ZNF682: variants seen among roughly 807,000 people sequenced by gnomAD.
The protein encoded by ZNF682 is zinc finger protein 682.
In ZNF682, 29 loss-of-function variants were observed where a neutral mutation model predicts 36.5. The ratio of observed to expected loss-of-function variants is 0.80; its 90% CI spans 0.59 to 1.08. The LOEUF (loss-of-function observed/expected upper bound fraction) is 1.08, where lower values mean the gene tolerates loss of function less well. Among genes scored for constraint, ZNF682 ranks in the 50% least tolerant of loss-of-function variants. ZNF682 has a pLI of 0.00. For missense variants in ZNF682, 561 were observed against 579.7 expected (o/e 0.97, Z 0.33); for synonymous variants, 180 against 197.0 (o/e 0.91, Z 0.72).
chr19:20,017,350 G>A (rs2088343279), intron 3 of ZNF682, among the ~76,000 whole-genome samples: 1 of 152,174 alleles, frequency 6.6e-6, no homozygotes, highest in Non-Finnish European at 1.5e-5. Flanking sequence ...CAAACAGGCT[G>A]AAAGTGACAG....
Position 20,005,127 on chromosome 19 carries a change from T to C in ZNF682, c.*878A>G, listed in dbSNP as rs1374160305. The C allele has an allele frequency of 6.6e-6, 1 of 152,040 alleles. No homozygotes were observed. Among genetic ancestry groups the C allele is most frequent in the East Asian group, 1.9e-4 (1 of 5,188 alleles). 9.4% of individuals were successfully genotyped at this position (152,040 alleles called of 1,614,324 possible). ...AGAGTCTCTGTCGCCCAGGTTGGAG[T>C]TCAGTGGCGCGATCTCGGCTCACTG... On this transcript the variant is annotated 3_prime_UTR_variant, in exon 4 of 4. Transcript: ENST00000397165.
chr19:19,997,508 T>C (rs1466911967), intron 3 of ZNF682, among the ~76,000 whole-genome samples: 3 of 152,176 alleles, frequency 2.0e-5, no homozygotes, highest in Admixed American at 6.5e-5. Flanking sequence ...CAGAGGCATC[T>C]TGGGTAGATA....
intron 3 of ZNF682, among the ~76,000 whole-genome samples, chr19:20,018,295 GT>G (rs2088355499): frequency 6.6e-6 from 1 of 150,820 alleles, no homozygotes; most frequent in Non-Finnish European, 1.5e-5. Flanking sequence ...GGGTTTCACC[GT>G]TTTTAGCCGG....
Position 20,024,328 on chromosome 19 carries a change from A to T in ZNF682, c.52T>A (p.Trp18Arg), listed in dbSNP as rs1243593183. The change falls in exon 2 of 4, where the codon TGG becomes AGG. Residue 18 changes from tryptophan (W) to arginine (R), a missense_variant. Trp to Arg is a moderately radical substitution (Grantham distance 101, BLOSUM62 -3). Coordinates refer to ENST00000397165, the MANE Select transcript of ZNF682 (RefSeq NM_033196.3). ...TGCTGAGCAGGGTTCAGAAACTCCCACTCCTCCAGAGAGAATTCTATGGTC... is the reference window on the plus strand; with the variant it reads ...TGCTGAGCAGGGTTCAGAAACTCCCTCTCCTCCAGAGAGAATTCTATGGTC... The part of the protein sequence containing the change: ...DVTIEFSLEE[W>R]EFLNPAQQSL... 1 of 1,613,508 alleles carries T rather than the reference A, an allele frequency of 6.2e-7. No homozygotes were observed. The highest frequency in any genetic ancestry group is 8.5e-7 in the Non-Finnish European group (1 of 1,179,822).
At chr19:20,027,600 A>C (rs1318203449) in intron 1 of ZNF682, among the ~76,000 whole-genome samples, 1 of 152,140 alleles carries the variant, frequency 6.6e-6, no homozygotes, top group African/African-American at 2.4e-5. Flanking sequence ...TCTCTACTAA[A>C]AATACAAAAT....
intron 1 of ZNF682, among the ~76,000 whole-genome samples, chr19:20,037,938 G>C (rs1054594525): frequency 6.6e-6 from 1 of 152,204 alleles, no homozygotes. Context: ...CCACAGAGAG[G>C]CCACATTCCC....
At chr19:20,037,526 A>G (rs11085294) in intron 1 of ZNF682, among the ~76,000 whole-genome samples, 120,383 of 152,130 alleles carry the variant, frequency 0.79, 47,867 homozygotes, top group South Asian at 0.89. Flanking sequence ...AAGCGGCAAT[A>G]CTGATTGGAA....
intron 1 of ZNF682, among the ~76,000 whole-genome samples, chr19:20,035,011 TC>T (rs1477162508): frequency 2.0e-5 from 3 of 146,500 alleles, no homozygotes; most frequent in Non-Finnish European, 4.5e-5. Flanking sequence ...TATGAGAATA[TC>T]GCTTGAACCT....
rs1486735300 is a variant in ZNF682 at position 20,006,246 on chromosome 19, T to C, written c.1256A>G (p.His419Arg). ...SSILTEHKRI[H>R]TGEKPYNCEE... ...ACAGTTGTAGGGTTTCTCTCCAGTATGAATTCTCTTATGTTCAGTAAGGAT... is the reference window on the plus strand; with the variant it reads ...ACAGTTGTAGGGTTTCTCTCCAGTACGAATTCTCTTATGTTCAGTAAGGAT... The change falls in exon 4 of 4, where the codon CAT becomes CGT. Residue 419 changes from histidine to arginine, a missense_variant. Coordinates refer to ENST00000397165, the MANE Select transcript of ZNF682 (RefSeq NM_033196.3). 3.7e-6 allele frequency: 6 copies of C among 1,613,740 alleles called. No individual in the cohort carries two copies. The highest frequency in any genetic ancestry group is 4.2e-6 in the Non-Finnish European group (5 of 1,179,974).
At chr19:20,030,249 G>T (rs955253072) in intron 1 of ZNF682, among the ~76,000 whole-genome samples, 1 of 152,106 alleles carries the variant, frequency 6.6e-6, no homozygotes, top group African/African-American at 2.4e-5. Context: ...TAAATATTTA[G>T]TCTTCACAAG....
chr19:20,015,895 A>G, intron 3 of ZNF682: 1 of 397,556 alleles, frequency 2.5e-6, no homozygotes, highest in Non-Finnish European at 4.4e-6. Flanking sequence ...CAATATAAAT[A>G]TTGTAAAATA....
downstream of ZNF682, among the ~76,000 whole-genome samples, chr19:20,000,850 G>A (rs796195793): frequency 6.6e-6 from 1 of 152,188 alleles, no homozygotes; most frequent in Non-Finnish European, 1.5e-5. Context: ...ATGAGGAGCT[G>A]TTTGATGAGT....
chr19:19,998,227 G>T (rs2088139833), intron 3 of ZNF682, among the ~76,000 whole-genome samples: 1 of 152,178 alleles, frequency 6.6e-6, no homozygotes, highest in Non-Finnish European at 1.5e-5. Context: ...GTTGACAGAA[G>T]AGCTGGGAAA....
intron 3 of ZNF682, among the ~76,000 whole-genome samples, chr19:19,998,044 T>A (rs1315921441): frequency 6.6e-6 from 1 of 152,086 alleles, no homozygotes. Context: ...AGCCAGTCTT[T>A]CCCTTACACT....
At chr19:20,038,899 A>G (rs10420900) in intron 1 of ZNF682, among the ~76,000 whole-genome samples, 118,303 of 152,094 alleles carry the variant, frequency 0.78, 46,181 homozygotes, top group Middle Eastern at 0.87. Context: ...CTCTGAGCAT[A>G]AATCACTGTT....
At chr19:20,025,113 A>C (rs1410383739) in intron 1 of ZNF682, among the ~76,000 whole-genome samples, 2 of 152,186 alleles carry the variant, frequency 1.3e-5, no homozygotes, top group African/African-American at 4.8e-5. Context: ...AGTTGATACC[A>C]AGGCATCCGA....
chr19:20,019,394 T>G lies in ZNF682; in HGVS notation c.226+3610A>C, dbSNP rs547767939. ...TATATAATCCAGCAAACATGGAAAA[T>G]CCTATTTGATACTGTTCTTGGCAGT... On this transcript the variant is annotated intron_variant, in intron 3 of 3. Transcript: ENST00000397165. 4.6e-5 allele frequency among the ~76,000 whole-genome samples: 7 copies of G among 152,184 alleles called. No individual in the cohort carries two copies. In the South Asian group the frequency reaches 1.5e-3, roughly 32 times the overall value.
chr19:20,003,817 G>A (rs968625970), downstream of ZNF682, among the ~76,000 whole-genome samples: 1 of 152,104 alleles, frequency 6.6e-6, no homozygotes, highest in Non-Finnish European at 1.5e-5. Flanking sequence ...TTGAAAAAAT[G>A]AATTCAATAC....
chr19:20,019,625 CAAT>C (rs1350117294), intron 3 of ZNF682, among the ~76,000 whole-genome samples: 1 of 151,698 alleles, frequency 6.6e-6, no homozygotes, highest in African/African-American at 2.4e-5. Context: ...AAGGCAAAAA[CAAT>C]AATAAGAATG....
Sources: allele counts gnomAD v4.1 joint callset (sites outside exome capture counted in the v4.1 genomes callset), GRCh38; gene constraint gnomAD v4.1.1; transcripts MANE v1.5; gene names NCBI Gene and HGNC (gene_info 2026-07-23, HGNC 2026-07-21).